Variants in NAMPT observed in about 807,000 individuals in gnomAD.
NAMPT encodes nicotinamide phosphoribosyltransferase, also known as NAmPRTase.
A neutral mutation model predicts 58.7 loss-of-function variants in NAMPT; 7 were observed. The observed-to-expected ratio is 0.12, with a 90% CI of 0.07 to 0.22. The LOEUF is 0.22. Ranked by LOEUF, NAMPT falls within the 10% of genes least tolerant of loss-of-function variation. The pLI, the probability that NAMPT is intolerant of heterozygous loss-of-function variation, is 1.00. For synonymous variants in NAMPT, 145 were observed against 198.1 expected (o/e 0.73, Z 2.25); for missense variants, 271 against 567.9 (o/e 0.48, Z 5.31).
At chr7:106,254,662 C>T (rs947888686) in intron 8 of NAMPT, among the ~76,000 whole-genome samples, 158 bp from the exon 9 acceptor site, 1 of 152,058 alleles carries the variant, frequency 6.6e-6, no homozygotes, top group African/African-American at 2.4e-5. Context: ...TAAAGACCCA[C>T]CCACCCCCAA....
At chr7:106,281,393 GTACTAC>G (rs1315454491) in intron 1 of NAMPT, among the ~76,000 whole-genome samples, 1 of 152,082 alleles carries the variant, frequency 6.6e-6, no homozygotes, top group South Asian at 2.1e-4. Flanking sequence ...CCAAATGCAA[GTACTAC>G]TATCTTACTT....
At chr7:106,255,727 G>T (rs1383486897) in intron 8 of NAMPT, among the ~76,000 whole-genome samples, 2 of 152,070 alleles carry the variant, frequency 1.3e-5, no homozygotes, top group East Asian at 3.9e-4. Flanking sequence ...TGTCTTTATT[G>T]TACCTGAACC....
intron 8 of NAMPT, among the ~76,000 whole-genome samples, chr7:106,255,029 G>T (rs1338918944): frequency 6.6e-6 from 1 of 152,054 alleles, no homozygotes; most frequent in African/African-American, 2.4e-5. Context: ...TATAACAGTT[G>T]GTATACTGGT....
chr7:106,265,962 A>C (rs889685901), intron 6 of NAMPT, among the ~76,000 whole-genome samples: 3 of 152,190 alleles, frequency 2.0e-5, no homozygotes, highest in Admixed American at 2.0e-4. Context: ...TCTTATTTTA[A>C]AGTTATTTAG....
At chr7:106,275,183 C>A in intron 2 of NAMPT, 134 bp from the exon 3 acceptor site, 1 of 509,902 alleles carries the variant, frequency 2.0e-6, no homozygotes, top group East Asian at 3.2e-5. Context: ...GTTAAATGCT[C>A]ACCCAGAGTC....
chr7:106,265,181 G>C (rs1484344287), intron 6 of NAMPT, among the ~76,000 whole-genome samples: 4 of 151,982 alleles, frequency 2.6e-5, no homozygotes, highest in Non-Finnish European at 5.9e-5. Context: ...TCTTTAAAAA[G>C]GAGAGAATTA....
chr7:106,285,124 C>G (rs572828622), upstream of NAMPT: 23 of 1,309,296 alleles, frequency 1.8e-5, no homozygotes, highest in East Asian at 4.3e-4. Context: ...CTGGCGGACT[C>G]CCCACCTCGG....
rs1792798496 is a variant in NAMPT, at chr7:106,283,154, T to G, written c.57+1674A>C. The stretch of plus-strand genomic sequence containing the variant: ...TCTAAGATGAAAATATTCTGAAGTT[T>G]CATATTATAAAGGATATAAAACACA... On this transcript the variant is annotated intron_variant, in intron 1 of 10. Transcript: ENST00000222553. Among the ~76,000 whole-genome samples, 4 of 152,288 alleles carry G rather than the reference T, an allele frequency of 2.6e-5. No homozygotes were observed. In the South Asian group the frequency reaches 8.3e-4, roughly 32 times the overall value.
chr7:106,269,355 C>T (rs1792486410), intron 4 of NAMPT, 43 bp from the exon 5 acceptor site: 1 of 1,537,656 alleles, frequency 6.5e-7, no homozygotes, highest in Non-Finnish European at 8.8e-7. Context: ...ACATAAAATA[C>T]TGCATTCTTT....
At chr7:106,275,107 A>T (rs1461132467) in intron 2 of NAMPT, 58 bp from the exon 3 acceptor site, 3 of 1,077,202 alleles carry the variant, frequency 2.8e-6, no homozygotes, top group Non-Finnish European at 4.3e-6. Context: ...TGAGTTGCTG[A>T]ACTGTCACAG....
intron 6 of NAMPT, among the ~76,000 whole-genome samples, chr7:106,267,797 C>A (rs1031633624): frequency 4.8e-5 from 6 of 123,896 alleles, no homozygotes; most frequent in African/African-American, 9.4e-5. Context: ...GCCGAGATCC[C>A]GCCACTGCAC....
intron 6 of NAMPT, among the ~76,000 whole-genome samples, chr7:106,267,831 A>C: frequency 9.4e-6 from 1 of 106,942 alleles, no homozygotes; most frequent in Non-Finnish European, 1.8e-5. Context: ...ACAGAGCGAG[A>C]CTCCGTCTCA....
At chr7:106,256,428 G>C (rs116547297) in intron 8 of NAMPT, among the ~76,000 whole-genome samples, 1,814 of 152,286 alleles carry the variant, frequency 0.012, 41 homozygotes, top group African/African-American at 0.042. Flanking sequence ...AAATAAAGCA[G>C]ATTTTTCATT....
At chr7:106,272,736 C>A in intron 3 of NAMPT, 78 bp from the exon 4 acceptor site, 1 of 1,505,054 alleles carries the variant, frequency 6.6e-7, no homozygotes, top group Non-Finnish European at 9.1e-7. Context: ...AGGTTCTTTA[C>A]GTTTTATAGA....
At chr7:106,279,187 C>A (rs1172367271) in intron 1 of NAMPT, among the ~76,000 whole-genome samples, 1 of 152,130 alleles carries the variant, frequency 6.6e-6, no homozygotes, top group African/African-American at 2.4e-5. Flanking sequence ...CTTAGAATGC[C>A]TTCTCTGAAA....
intron 8 of NAMPT, among the ~76,000 whole-genome samples, chr7:106,258,388 TTG>T (rs555100935): frequency 1.2e-3 from 185 of 152,300 alleles, no homozygotes; most frequent in Non-Finnish European, 2.3e-3. Flanking sequence ...AGAAAAAAAC[TTG>T]TGTTTCATAG....
chr7:106,278,014 CAAGAGTAGGAAT>C (rs1414541971), intron 1 of NAMPT, among the ~76,000 whole-genome samples: 1 of 152,174 alleles, frequency 6.6e-6, no homozygotes, highest in Non-Finnish European at 1.5e-5. Context: ...TGCCCAATTT[CAAGAGTAGGAAT>C]AACAGTGCCT....
At chr7:106,277,709 A>G (rs1792678125) in intron 1 of NAMPT, among the ~76,000 whole-genome samples, 1 of 152,220 alleles carries the variant, frequency 6.6e-6, no homozygotes, top group South Asian at 2.1e-4. Flanking sequence ...AAAGTAAAGC[A>G]GCAAAGTAAA....
intron 8 of NAMPT, among the ~76,000 whole-genome samples, chr7:106,255,931 CAAAAACAAAATGAGGA>C (rs1360358606): frequency 6.6e-6 from 1 of 152,034 alleles, no homozygotes; most frequent in Non-Finnish European, 1.5e-5. Context: ...GCTTCAGAGG[CAAAAACAAAATGAGGA>C]AATAACAAAG....
Sources: gnomAD v4.1 joint callset for allele counts (sites outside exome capture counted in the v4.1 genomes callset) on GRCh38, gnomAD v4.1.1 for gene constraint, MANE v1.5 for transcripts, NCBI Gene and HGNC (gene_info 2026-07-23, HGNC 2026-07-21) for gene names.